The following ATG7 variants were observed in gnomAD, a reference collection of about 807,000 sequenced individuals.
ATG7 encodes autophagy related 7.
Under a neutral mutation model 82.4 loss-of-function variants are expected in ATG7, and 70 were observed. That is an observed-to-expected ratio of 0.85 (90% CI 0.70 to 1.04). The LOEUF is 1.04. Ranked by LOEUF, ATG7 falls within the 50% of genes least tolerant of loss-of-function variation. ATG7 has a pLI of 0.00. For synonymous variants in ATG7, 287 were observed against 313.0 expected (o/e 0.92, Z 0.88); for missense variants, 792 against 864.3 (o/e 0.92, Z 1.05).
At chr3:11,519,559 T>G (rs963138738) in intron 20 of ATG7, among the ~76,000 whole-genome samples, 7 of 107,164 alleles carry the variant, frequency 6.5e-5, no homozygotes, top group Admixed American at 1.8e-4. Flanking sequence ...TTTTTTTTTT[T>G]TTTTTTTTTT....
rs146181588 is a variant in ATG7, at chr3:11,534,453, G to A, written c.2080-20358G>A. ...CATCTTCTGCTCACAGGCAGGTCCT[G>A]TGTTGCCCTGTGGGTTAGACATGCT... On this transcript the variant is annotated intron_variant, in intron 20 of 20. Transcript: ENST00000693202. 2.0e-5 allele frequency among the ~76,000 whole-genome samples: 3 copies of A among 152,356 alleles called. 1 individual carries two copies. Among genetic ancestry groups the A allele is most frequent in the Non-Finnish European group, 4.4e-5 (3 of 68,030 alleles).
At chr3:11,455,262 C>G (rs1483565946) in intron 20 of ATG7, among the ~76,000 whole-genome samples, 1 of 152,216 alleles carries the variant, frequency 6.6e-6, no homozygotes, top group African/African-American at 2.4e-5. Flanking sequence ...AACTTAACTA[C>G]AGTAGTAAAG....
chr3:11,453,935 A>G (rs2085448096), intron 20 of ATG7, among the ~76,000 whole-genome samples: 1 of 152,168 alleles, frequency 6.6e-6, no homozygotes, highest in Non-Finnish European at 1.5e-5. Context: ...CTTTCCTCAC[A>G]AGGGTTTTAT....
chr3:11,554,901 G>T lies in ATG7; in HGVS notation c.*58G>T. On this transcript the variant is annotated 3_prime_UTR_variant, in exon 21 of 21. Transcript: ENST00000693202. ...GCCGCCTGCTGAGGAGCTCTCCATC[G>T]CCAGAGCAGGACTGCTGACCCCAGG... 6.3e-7 allele frequency: 1 copy of T among 1,588,890 alleles called. No individual in the cohort carries two copies. Among genetic ancestry groups the T allele is most frequent in the African/African-American group, 1.3e-5 (1 of 74,730 alleles).
At chr3:11,494,360 C>T (rs1159615844) in intron 20 of ATG7, among the ~76,000 whole-genome samples, 1 of 152,290 alleles carries the variant, frequency 6.6e-6, no homozygotes, top group South Asian at 2.1e-4. Context: ...TTATCAGCTC[C>T]TTGATACCAT....
In ATG7 at chr3:11,388,976, G is replaced by T. The variant is rs147938398; in HGVS notation, c.1956+8924G>T. Among the ~76,000 whole-genome samples the T allele has an allele frequency of 5.9e-5, 9 of 152,086 alleles. No individual in the cohort carries two copies. The East Asian group carries it at 1.7e-3, about 30-fold the overall frequency. ...AAGTACCTAAATATAGGCCTGGCAT[G>T]GTGGTTCACACCTGTAATATCAGCA... On this transcript the variant is annotated intron_variant, in intron 19 of 20. Coordinates refer to ENST00000693202, the MANE Select transcript of ATG7 (RefSeq NM_001349232.2).
intron 19 of ATG7, among the ~76,000 whole-genome samples, chr3:11,422,795 C>T (rs1449585816): frequency 7.6e-6 from 1 of 130,772 alleles, no homozygotes; most frequent in African/African-American, 3.0e-5. Context: ...CTCCGTTGCC[C>T]AGGCTGGAGT....
At chr3:11,559,505 C>G, downstream of ATG7, 2 of 1,498,628 alleles carry the variant, frequency 1.3e-6, no homozygotes, top group Non-Finnish European at 1.8e-6. Context: ...CAGTACCGGG[C>G]ACCACCCCTG....
chr3:11,452,677 A>G (rs909055367), intron 20 of ATG7, among the ~76,000 whole-genome samples: 2 of 152,222 alleles, frequency 1.3e-5, no homozygotes, highest in African/African-American at 4.8e-5. Flanking sequence ...CCTGAGATCC[A>G]TAATGAAGGC....
intron 20 of ATG7, among the ~76,000 whole-genome samples, chr3:11,467,747 T>C (rs1046682070): frequency 6.6e-6 from 1 of 152,204 alleles, no homozygotes; most frequent in Non-Finnish European, 1.5e-5. Context: ...TTTATTTGTG[T>C]TCTGTCTACC....
chr3:11,508,977 A>G (rs2091898465), intron 20 of ATG7, among the ~76,000 whole-genome samples: 1 of 152,222 alleles, frequency 6.6e-6, no homozygotes, highest in African/African-American at 2.4e-5. Flanking sequence ...GCATAAGTAG[A>G]AGGAGACAGA....
At chr3:11,386,860 G>A (rs539510951) in intron 19 of ATG7, among the ~76,000 whole-genome samples, 2 of 152,328 alleles carry the variant, frequency 1.3e-5, no homozygotes, top group South Asian at 2.1e-4. Flanking sequence ...AAAGGAGATG[G>A]AATATACAGC....
rs564690480 is a variant in ATG7 at position 11,370,967 on chromosome 3, C to A, written c.1875+6233C>A. ...ACAAAATTCAGATTCCTGGCTTTGC[C>A]ACTTGGTAGCTGTGGACCCTTGGGC... On this transcript the variant is annotated intron_variant, in intron 18 of 20. Transcript: ENST00000693202. Among the ~76,000 whole-genome samples, 15 of 151,164 alleles carry A rather than the reference C, an allele frequency of 9.9e-5. 1 individual carries two copies. The highest frequency in any genetic ancestry group is 3.7e-4 in the African/African-American group (15 of 41,048).
At chr3:11,480,022 G>C (rs573766394) in intron 20 of ATG7, among the ~76,000 whole-genome samples, 1 of 152,108 alleles carries the variant, frequency 6.6e-6, no homozygotes, top group East Asian at 1.9e-4. Context: ...CCGTCTCTGG[G>C]GTTCACGACA....
intron 20 of ATG7, among the ~76,000 whole-genome samples, chr3:11,529,306 G>C (rs2092648297): frequency 6.6e-6 from 1 of 152,158 alleles, no homozygotes; most frequent in South Asian, 2.1e-4. Flanking sequence ...CATTGATTGG[G>C]AGGAAAAATC....
chr3:11,316,365 C>T (rs998367702), intron 9 of ATG7, among the ~76,000 whole-genome samples: 2 of 152,220 alleles, frequency 1.3e-5, no homozygotes, highest in Non-Finnish European at 2.9e-5. Context: ...CCCTTCCCGT[C>T]AGATACATCT....
chr3:11,463,652 A>T (rs1016178043), intron 20 of ATG7, among the ~76,000 whole-genome samples: 1 of 152,172 alleles, frequency 6.6e-6, no homozygotes, highest in African/African-American at 2.4e-5. Context: ...AACATAATGG[A>T]AAGAAAAGTT....
At chr3:11,481,662 C>T (rs1265840279) in intron 20 of ATG7, among the ~76,000 whole-genome samples, 1 of 152,184 alleles carries the variant, frequency 6.6e-6, no homozygotes, top group Non-Finnish European at 1.5e-5. Context: ...AATGTCAGCA[C>T]CACCACAGTG....
intron 1 of ATG7, among the ~76,000 whole-genome samples, chr3:11,275,515 A>ATTTTT (rs34040398): frequency 1.8e-5 from 2 of 109,208 alleles, no homozygotes; most frequent in African/African-American, 7.8e-5. Flanking sequence ...TGCCCGGCTA[A>ATTTTT]TTTTTTTTTT....
Sources: gnomAD v4.1 joint callset for allele counts (sites outside exome capture counted in the v4.1 genomes callset) on GRCh38, gnomAD v4.1.1 for gene constraint, MANE v1.5 for transcripts, NCBI Gene and HGNC (gene_info 2026-07-23, HGNC 2026-07-21) for gene names.